LARGE1: variants seen among roughly 807,000 people sequenced by gnomAD.
The protein encoded by LARGE1 is xylosyl- and glucuronyltransferase LARGE1.
Under a neutral mutation model 87.6 loss-of-function variants are expected in LARGE1, and 43 were observed. The ratio of observed to expected loss-of-function variants is 0.49; its 90% CI spans 0.38 to 0.63. The LOEUF (loss-of-function observed/expected upper bound fraction) is 0.63. LARGE1 is among the 30% of genes least tolerant of loss of function. The pLI is 0.00. For missense variants in LARGE1, 802 were observed against 1,000.2 expected, an observed-to-expected ratio of 0.80 and a Z score of 2.67; for synonymous variants, 434 against 394.6, an observed-to-expected ratio of 1.10 and a Z score of -1.18.
chr22:33,858,991 T>C (rs1406184686), intron 1 of LARGE1, among the ~76,000 whole-genome samples: 3 of 138,576 alleles, frequency 2.2e-5, no homozygotes, highest in African/African-American at 8.2e-5. Context: ...AGTTGAACAA[T>C]GAGAACACAT....
chr22:33,356,457 G>C (rs2146827002), intron 9 of LARGE1, among the ~76,000 whole-genome samples: 1 of 152,300 alleles, frequency 6.6e-6, no homozygotes, highest in Admixed American at 6.5e-5. Flanking sequence ...ACCTTTGTGT[G>C]TCTCTATTTC....
chr22:33,755,258 A>C (rs1184804769), intron 2 of LARGE1, among the ~76,000 whole-genome samples: 1 of 152,204 alleles, frequency 6.6e-6, no homozygotes, highest in Admixed American at 6.5e-5. Context: ...ATATCAGTTC[A>C]GAAGTGAAGA....
In LARGE1 at chr22:33,384,313, C is replaced by T. The variant is rs758531510; in HGVS notation, c.893-9G>A. The T allele has an allele frequency of 1.1e-5, 18 of 1,586,668 alleles. No individual in the cohort carries two copies. The highest frequency in any genetic ancestry group is 3.4e-4 in the Middle Eastern group (2 of 5,846). On this transcript the variant is annotated splice_polypyrimidine_tract_variant and intron_variant, in intron 7 of 14. Coordinates refer to ENST00000397394, the MANE Select transcript of LARGE1 (RefSeq NM_133642.5). Reference sequence around the variant, plus strand: ...AAGTAACAGGATCACCCCTGGGCAACAGCACAGGATAAAAGAGAAAATTAA... The same window carrying T: ...AAGTAACAGGATCACCCCTGGGCAATAGCACAGGATAAAAGAGAAAATTAA...
chr22:33,133,913 C>A, the LARGE1 span, among the ~76,000 whole-genome samples: 8 of 152,090 alleles, frequency 5.3e-5, no homozygotes, highest in Non-Finnish European at 1.0e-4. Context: ...TCACTTTAAG[C>A]CTTCAATATA....
At chr22:33,268,429 C>CTTT (rs71320968), downstream of LARGE1, among the ~76,000 whole-genome samples, 6 of 132,978 alleles carry the variant, frequency 4.5e-5, no homozygotes, top group Admixed American at 1.5e-4. Context: ...TGTTAAAAAA[C>CTTT]TTTTTTTTTT....
chr22:33,351,364 G>C (rs1256071868), intron 9 of LARGE1, among the ~76,000 whole-genome samples: 2 of 152,168 alleles, frequency 1.3e-5, no homozygotes, highest in East Asian at 1.9e-4. Context: ...CAAATATTGA[G>C]GTGTTCTGGG....
At chr22:33,785,220 C>G (rs908321363) in intron 1 of LARGE1, among the ~76,000 whole-genome samples, 1 of 141,210 alleles carries the variant, frequency 7.1e-6, no homozygotes, top group African/African-American at 2.8e-5. Context: ...TGTGTATATA[C>G]ATATATGTGT....
chr22:33,825,151 C>T (rs2062743357), intron 1 of LARGE1, among the ~76,000 whole-genome samples: 1 of 152,198 alleles, frequency 6.6e-6, no homozygotes, highest in South Asian at 2.1e-4. Flanking sequence ...GCAGAGAATG[C>T]TGGCTTCTAC....
At chr22:33,287,770 C>A (rs915435182) in intron 12 of LARGE1, among the ~76,000 whole-genome samples, 1 of 152,190 alleles carries the variant, frequency 6.6e-6, no homozygotes, top group Non-Finnish European at 1.5e-5. Context: ...GGCGAACAGC[C>A]AGGAGACTTC....
At chr22:33,170,897 G>A (rs1457873577) in intron 11 of LARGE1, among the ~76,000 whole-genome samples, 1 of 152,150 alleles carries the variant, frequency 6.6e-6, no homozygotes, top group Non-Finnish European at 1.5e-5. Context: ...CAGTTAGGAG[G>A]GCTCAGAAGA....
chr22:33,851,637 G>A (rs898598863), intron 1 of LARGE1, among the ~76,000 whole-genome samples: 3 of 152,232 alleles, frequency 2.0e-5, no homozygotes, highest in Non-Finnish European at 4.4e-5. Context: ...GTTCACTGCA[G>A]CAAGGTGGAC....
chr22:33,523,618 C>A (rs562558297), intron 6 of LARGE1, among the ~76,000 whole-genome samples: 6 of 152,136 alleles, frequency 3.9e-5, no homozygotes, highest in Non-Finnish European at 8.8e-5. Context: ...TGTCAGGAGC[C>A]CAGTAGAGGT....
chr22:33,597,490 G>A (rs955105264), intron 5 of LARGE1, among the ~76,000 whole-genome samples: 3 of 152,066 alleles, frequency 2.0e-5, no homozygotes, highest in African/African-American at 2.4e-5. Flanking sequence ...CAGGGGGCTG[G>A]AAGATTACAG....
chr22:33,773,048 C>A (rs1283283242), intron 1 of LARGE1, among the ~76,000 whole-genome samples: 1 of 152,212 alleles, frequency 6.6e-6, no homozygotes, highest in Admixed American at 6.5e-5. Flanking sequence ...TACTGCCCCT[C>A]AGACACCCTC....
At chr22:33,166,752 G>A (rs878971771) in exon 12 of LARGE1, 6 of 471,276 alleles carry the variant, frequency 1.3e-5, no homozygotes, top group East Asian at 6.9e-5. Context: ...GGAAGCCAAC[G>A]CCGAGGACAA....
the LARGE1 span, among the ~76,000 whole-genome samples, chr22:33,120,193 C>T: frequency 6.6e-6 from 1 of 151,962 alleles, no homozygotes; most frequent in Admixed American, 6.6e-5. Flanking sequence ...TATATATACA[C>T]TCTTAAGTCT....
intron 1 of LARGE1, among the ~76,000 whole-genome samples, chr22:33,832,891 T>C (rs2063012098): frequency 6.6e-6 from 1 of 152,230 alleles, no homozygotes; most frequent in Non-Finnish European, 1.5e-5. Flanking sequence ...AGACGACTGT[T>C]GTTGGACTGG....
the LARGE1 span, among the ~76,000 whole-genome samples, chr22:33,076,997 G>A: frequency 1.3e-5 from 2 of 152,134 alleles, no homozygotes; most frequent in African/African-American, 4.8e-5. Flanking sequence ...CACTGGCTGT[G>A]TGACCCTGAG....
chr22:33,436,081 T>C (rs1241365082), intron 6 of LARGE1, among the ~76,000 whole-genome samples: 1 of 152,184 alleles, frequency 6.6e-6, no homozygotes, highest in Non-Finnish European at 1.5e-5. Context: ...AACATCAATA[T>C]AGTTGGAGAT....
Sources: gnomAD v4.1 joint callset for allele counts (sites outside exome capture counted in the v4.1 genomes callset) on GRCh38, gnomAD v4.1.1 for gene constraint, MANE v1.5 for transcripts, NCBI Gene and HGNC (gene_info 2026-07-23, HGNC 2026-07-21) for gene names.